The following ZNF821 variants were observed in gnomAD, a reference collection of about 807,000 sequenced individuals.
ZNF821 encodes zinc finger protein 821.
Under a neutral mutation model 44.3 loss-of-function variants are expected in ZNF821, and 16 were observed. The ratio of observed to expected loss-of-function variants is 0.36; its 90% CI spans 0.24 to 0.55. The LOEUF is 0.55. ZNF821 is among the 20% of genes least tolerant of loss of function. The pLI is 0.86. For synonymous variants in ZNF821, 204 were observed against 197.6 expected (o/e 1.03, Z -0.27); for missense variants, 436 against 547.6 (o/e 0.80, Z 2.03).
At chr16:71,864,745 G>A in intron 5 of ZNF821, 158 bp downstream of exon 5, 1 of 828,690 alleles carries the variant, frequency 1.2e-6, no homozygotes, top group Non-Finnish European at 1.9e-6. Context: ...AGAACTGAGA[G>A]TCTGAGGTGT....
chr16:71,864,364 T>G, intron 5 of ZNF821, 122 bp from the exon 6 acceptor site: 2 of 781,320 alleles, frequency 2.6e-6, no homozygotes, highest in Non-Finnish European at 4.3e-6. Flanking sequence ...TATTCTTAGC[T>G]TCCCTTTGTG....
intron 1 of ZNF821, among the ~76,000 whole-genome samples, chr16:71,892,206 A>AAAAAAAAT (rs2036890336): frequency 7.0e-6 from 1 of 143,476 alleles, no homozygotes; most frequent in Non-Finnish European, 1.5e-5. Context: ...AAAAAAAAAA[A>AAAAAAAAT]AAAAGAATCA....
rs370109568 is a variant in ZNF821 at position 71,860,942 on chromosome 16, G to A, written c.585-270C>T. On this transcript the variant is annotated intron_variant, in intron 7 of 7. Coordinates refer to ENST00000425432, the MANE Select transcript of ZNF821 (RefSeq NM_001201552.2). The surrounding 1 kb of genome is among the most constrained non-coding windows in gnomAD (Gnocchi z 7.3). Reference sequence around the variant, plus strand: ...GCAATCTCAGCTCACTGCAACCTCCGCCTCCTAGGTTCAAGCCATTCTCCT... The same window carrying A: ...GCAATCTCAGCTCACTGCAACCTCCACCTCCTAGGTTCAAGCCATTCTCCT... 3.4e-5 allele frequency among the ~76,000 whole-genome samples: 5 copies of A among 148,580 alleles called. No individual in the cohort carries two copies. The highest frequency in any genetic ancestry group is 1.2e-4 in the African/African-American group (5 of 40,450).
intron 1 of ZNF821, chr16:71,894,606 G>A: frequency 2.1e-6 from 1 of 485,106 alleles, no homozygotes; most frequent in Non-Finnish European, 3.7e-6. Flanking sequence ...GTTTACTGCA[G>A]CAGCGACCTT....
chr16:71,862,029 CCTTT>C (rs2033955140), intron 6 of ZNF821, 87 bp from the exon 7 acceptor site: 3 of 1,476,386 alleles, frequency 2.0e-6, no homozygotes, highest in Non-Finnish European at 9.3e-7. Context: ...GGAAATGTCC[CCTTT>C]CTTTAGTCTC....
chr16:71,891,147 G>C (rs192985508), intron 1 of ZNF821, among the ~76,000 whole-genome samples: 1 of 152,254 alleles, frequency 6.6e-6, no homozygotes, highest in Admixed American at 6.5e-5. Flanking sequence ...AAACAGGTTG[G>C]CTGATTAAGG....
At chr16:71,861,671 G>A in intron 7 of ZNF821, 105 bp downstream of exon 7, 1 of 1,378,650 alleles carries the variant, frequency 7.3e-7, no homozygotes, top group Non-Finnish European at 1.0e-6. Flanking sequence ...GCATGCATCA[G>A]CTGCCTTTGC....
At chr16:71,875,888 C>G (rs1209965282) in intron 3 of ZNF821, among the ~76,000 whole-genome samples, 1 of 152,220 alleles carries the variant, frequency 6.6e-6, no homozygotes, top group East Asian at 1.9e-4. Context: ...CGTGAGCTAT[C>G]ACGCCTAGCC....
At chr16:71,892,353 G>A (rs1212478746) in intron 1 of ZNF821, among the ~76,000 whole-genome samples, 2 of 150,650 alleles carry the variant, frequency 1.3e-5, no homozygotes, top group African/African-American at 2.4e-5. Context: ...TGCAAGCTCC[G>A]CCTCCCGGGT....
chr16:71,882,594 G>T (rs762494869), intron 2 of ZNF821, among the ~76,000 whole-genome samples: 1 of 152,102 alleles, frequency 6.6e-6, no homozygotes, highest in Non-Finnish European at 1.5e-5. Flanking sequence ...GGCCAAATGG[G>T]GAACTGACCA....
chr16:71,888,804 A>G (rs1272130712), upstream of ZNF821, among the ~76,000 whole-genome samples: 1 of 152,360 alleles, frequency 6.6e-6, no homozygotes, highest in African/African-American at 2.4e-5. Context: ...TGATAAATGT[A>G]AAAACCTGAT....
chr16:71,873,922 A>AGATTACAG, intron 3 of ZNF821, among the ~76,000 whole-genome samples: 1 of 148,994 alleles, frequency 6.7e-6, no homozygotes, highest in Admixed American at 6.7e-5. Context: ...CAAAGTGCTG[A>AGATTACAG]GATTACAGGT....
At chr16:71,880,930 G>T (rs1390791021) in intron 2 of ZNF821, among the ~76,000 whole-genome samples, 3 of 152,170 alleles carry the variant, frequency 2.0e-5, no homozygotes, top group Non-Finnish European at 4.4e-5. Context: ...AAGCCTGAAG[G>T]TTCCTGATTA....
intron 6 of ZNF821, 121 bp downstream of exon 6, chr16:71,864,017 T>C (rs933994635): frequency 1.1e-5 from 9 of 855,738 alleles, no homozygotes; most frequent in South Asian, 4.4e-5. Context: ...CGAATCTTAA[T>C]AGAAGTGACA....
chr16:71,878,519 T>A (rs2036091392), intron 3 of ZNF821, among the ~76,000 whole-genome samples: 1 of 151,922 alleles, frequency 6.6e-6, no homozygotes. Context: ...TAATGTCAAT[T>A]TAAGAAGGCA....
rs538028131 is a variant in ZNF821, at chr16:71,860,722, G to A, written c.585-50C>T. On this transcript the variant is annotated intron_variant, in intron 7 of 7. Coordinates refer to ENST00000425432, the MANE Select transcript of ZNF821 (RefSeq NM_001201552.2). The surrounding 1 kb of genome is among the most constrained non-coding windows in gnomAD (Gnocchi z 7.3). ...TTAGTGTTTCCTTCTAGCAAGAGTC[G>A]GGACTCCAGCCCTGCCTTATTCTTT... The A allele has an allele frequency of 1.2e-5, 19 of 1,568,880 alleles. No homozygotes were observed. Among genetic ancestry groups the A allele is most frequent in the Non-Finnish European group, 1.6e-5 (18 of 1,160,880 alleles).
chr16:71,886,262 T>C (rs2036850009), upstream of ZNF821, among the ~76,000 whole-genome samples: 1 of 152,202 alleles, frequency 6.6e-6, no homozygotes, highest in Admixed American at 6.5e-5. Flanking sequence ...AAGTTAGGCA[T>C]GGTGGCTGGC....
intron 3 of ZNF821, among the ~76,000 whole-genome samples, chr16:71,868,800 G>A (rs1361456263): frequency 6.6e-6 from 1 of 151,290 alleles, no homozygotes; most frequent in African/African-American, 2.4e-5. Context: ...GGAGTACAGT[G>A]CTGGCACCCG....
At chr16:71,878,735 G>C (rs931342924) in intron 3 of ZNF821, among the ~76,000 whole-genome samples, 2 of 152,000 alleles carry the variant, frequency 1.3e-5, no homozygotes, top group Non-Finnish European at 2.9e-5. Flanking sequence ...TTCAAGGCCA[G>C]CCTCGCCAAC....
Sources: gnomAD v4.1 joint callset for allele counts (sites outside exome capture counted in the v4.1 genomes callset) on GRCh38, gnomAD v4.1.1 for gene constraint, Gnocchi (gnomAD v3.1) non-coding constraint, MANE v1.5 for transcripts, NCBI Gene and HGNC (gene_info 2026-07-23, HGNC 2026-07-21) for gene names.